TENM4: variants seen among roughly 807,000 people sequenced by gnomAD.
TENM4 encodes teneurin transmembrane protein 4, also known as teneurin-4.
TENM4 carries 82 observed loss-of-function variants against 243.3 expected under a neutral mutation model. That is an observed-to-expected ratio of 0.34 (90% confidence interval 0.28 to 0.40). TENM4 has a LOEUF of 0.40. Ranked by LOEUF, TENM4 falls within the 10% of genes least tolerant of loss-of-function variation. The pLI is 1.00. For missense variants in TENM4, 3,138 were observed against 3,673.3 expected (o/e 0.85, Z 3.77); for synonymous variants, 1,412 against 1,456.3 (o/e 0.97, Z 0.69).
intron 2 of TENM4, among the ~76,000 whole-genome samples, chr11:79,222,223 C>G (rs1864172016): frequency 6.6e-6 from 1 of 152,214 alleles, no homozygotes; most frequent in African/African-American, 2.4e-5. Flanking sequence ...GAAAAGATAA[C>G]AGTTCCCACT....
intron 6 of TENM4, among the ~76,000 whole-genome samples, chr11:79,010,293 C>T (rs1314057561): frequency 6.6e-6 from 1 of 151,990 alleles, no homozygotes; most frequent in Admixed American, 6.6e-5. Context: ...AAGGAACTCA[C>T]TGTTTGCGGG....
chr11:78,943,005 C>T (rs1856935130), intron 6 of TENM4, among the ~76,000 whole-genome samples: 1 of 152,198 alleles, frequency 6.6e-6, no homozygotes. Flanking sequence ...CAATGAAACT[C>T]TCCCTCAAGA....
At chr11:78,864,024 A>AT (rs1858894024) in intron 9 of TENM4, among the ~76,000 whole-genome samples, 2 of 152,168 alleles carry the variant, frequency 1.3e-5, no homozygotes, top group Admixed American at 1.3e-4. Flanking sequence ...TTCTTTATGT[A>AT]TTTTTGTGGA....
chr11:78,698,581 G>T (rs529924962), intron 28 of TENM4, among the ~76,000 whole-genome samples: 1 of 152,196 alleles, frequency 6.6e-6, no homozygotes, highest in African/African-American at 2.4e-5. Flanking sequence ...TAGATTAATG[G>T]TTCATTGGCA....
chr11:79,227,877 A>T (rs1276092194), intron 2 of TENM4, among the ~76,000 whole-genome samples: 1 of 152,194 alleles, frequency 6.6e-6, no homozygotes, highest in African/African-American at 2.4e-5. Context: ...GATTGGTGAA[A>T]CACTGACATC....
intron 4 of TENM4, among the ~76,000 whole-genome samples, chr11:79,072,945 C>T (rs1444037341): frequency 6.6e-6 from 1 of 152,060 alleles, no homozygotes; most frequent in African/African-American, 2.4e-5. Context: ...TTAATTATTG[C>T]TTGCTTTTAC....
At chr11:78,857,736 C>T (rs958072989) in intron 10 of TENM4, among the ~76,000 whole-genome samples, 1 of 152,160 alleles carries the variant, frequency 6.6e-6, no homozygotes, top group African/African-American at 2.4e-5. Flanking sequence ...AATATAGATA[C>T]AAAAACCACC....
chr11:79,329,321 G>A (rs1565301895), intron 1 of TENM4, among the ~76,000 whole-genome samples: 1 of 152,194 alleles, frequency 6.6e-6, no homozygotes, highest in Non-Finnish European at 1.5e-5. Context: ...AGCAGTGACG[G>A]GAGAGGCCTT....
chr11:79,046,549 G>T (rs59031774), intron 6 of TENM4, among the ~76,000 whole-genome samples: 10,292 of 152,060 alleles, frequency 0.068, 1,131 homozygotes, highest in African/African-American at 0.23. Context: ...TTAAGATGAG[G>T]TCATAGCCGA....
chr11:78,741,429 AG>A (rs1196726893), intron 19 of TENM4, among the ~76,000 whole-genome samples: 7 of 152,200 alleles, frequency 4.6e-5, no homozygotes, highest in African/African-American at 1.7e-4. Flanking sequence ...CTGAACACAG[AG>A]GTGGGAAGAG....
chr11:79,018,872 C>T (rs546761340), intron 6 of TENM4, among the ~76,000 whole-genome samples: 1 of 152,312 alleles, frequency 6.6e-6, no homozygotes, highest in African/African-American at 2.4e-5. Flanking sequence ...TAGAGATGAG[C>T]TAGTACAACT....
intron 1 of TENM4, among the ~76,000 whole-genome samples, chr11:79,388,863 G>A (rs762395068): frequency 3.3e-5 from 5 of 152,178 alleles, no homozygotes; most frequent in African/African-American, 9.7e-5. Flanking sequence ...GGAGGACACC[G>A]GAGCTAAAGC....
intron 15 of TENM4, among the ~76,000 whole-genome samples, chr11:78,803,182 A>G (rs1307216246): frequency 6.6e-6 from 1 of 151,882 alleles, no homozygotes; most frequent in Non-Finnish European, 1.5e-5. Context: ...GATGCTTGTC[A>G]TTGCGCCCGG....
At chr11:78,758,074 G>C (rs925655803) in intron 18 of TENM4, among the ~76,000 whole-genome samples, 2 of 152,200 alleles carry the variant, frequency 1.3e-5, no homozygotes, top group African/African-American at 4.8e-5. Context: ...GAGATAAGCA[G>C]GTAGTGTCCA....
chr11:78,813,568 T>TA (rs952621501), intron 13 of TENM4, among the ~76,000 whole-genome samples: 9 of 151,948 alleles, frequency 5.9e-5, no homozygotes, highest in South Asian at 2.1e-4. Context: ...GGGAAAAAGG[T>TA]AAAAAAACAA....
At chr11:79,414,445 A>C (rs1307515493) in intron 1 of TENM4, among the ~76,000 whole-genome samples, 1 of 152,196 alleles carries the variant, frequency 6.6e-6, no homozygotes, top group Non-Finnish European at 1.5e-5. Flanking sequence ...AAGGACCAGA[A>C]GAAAGAGTGG....
chr11:79,080,913 A>G (rs1466254561), intron 4 of TENM4, among the ~76,000 whole-genome samples: 1 of 152,194 alleles, frequency 6.6e-6, no homozygotes, highest in African/African-American at 2.4e-5. Flanking sequence ...GGACCACACT[A>G]GGAAGCAGAG....
At chr11:79,415,195 AG>A (rs1858787150) in intron 1 of TENM4, among the ~76,000 whole-genome samples, 5 of 152,212 alleles carry the variant, frequency 3.3e-5, no homozygotes, top group Admixed American at 3.3e-4. Context: ...CAATCCTCAA[AG>A]AATGTCTGCT....
intron 6 of TENM4, among the ~76,000 whole-genome samples, chr11:78,929,968 G>T (rs1856634032): frequency 6.6e-6 from 1 of 152,174 alleles, no homozygotes; most frequent in African/African-American, 2.4e-5. Flanking sequence ...ATTTAAACTG[G>T]TTGGGGCAGC....
Sources: gnomAD v4.1 joint callset for allele counts (sites outside exome capture counted in the v4.1 genomes callset) on GRCh38, gnomAD v4.1.1 for gene constraint, MANE v1.5 for transcripts, NCBI Gene and HGNC (gene_info 2026-07-23, HGNC 2026-07-21) for gene names.